Variants in TBC1D19 observed in about 807,000 individuals in gnomAD.
The protein encoded by TBC1D19 is TBC1 domain family, member 19.
Under a neutral mutation model 89.0 loss-of-function variants are expected in TBC1D19, and 60 were observed. That is an observed-to-expected ratio of 0.67 (90% CI 0.55 to 0.84). TBC1D19 has a LOEUF of 0.84. TBC1D19 is among the 40% of genes least tolerant of loss of function. The pLI is 0.00. For synonymous variants in TBC1D19, 189 were observed against 199.7 expected, an observed-to-expected ratio of 0.95 and a Z score of 0.45; for missense variants, 500 against 610.8, an observed-to-expected ratio of 0.82 and a Z score of 1.91.
At chr4:26,839,235 G>A in the TBC1D19 span, among the ~76,000 whole-genome samples, 1,231 of 151,794 alleles carry the variant, frequency 8.1e-3, 13 homozygotes, top group African/African-American at 0.027. Flanking sequence ...AAACGATGTC[G>A]TCATAGGATA....
the TBC1D19 span, among the ~76,000 whole-genome samples, chr4:26,838,343 T>C: frequency 1.2e-4 from 18 of 152,250 alleles, no homozygotes; most frequent in Admixed American, 1.0e-3. Context: ...AAGTATTTAT[T>C]AGTGTCAAAG....
chr4:26,787,478 A>G, the TBC1D19 span, among the ~76,000 whole-genome samples: 1 of 152,130 alleles, frequency 6.6e-6, no homozygotes, highest in African/African-American at 2.4e-5. Flanking sequence ...AGGCCTGAAG[A>G]AAGGACCGGA....
intron 13 of TBC1D19, among the ~76,000 whole-genome samples, chr4:26,701,200 A>G (rs1190134226): frequency 6.6e-6 from 1 of 152,146 alleles, no homozygotes; most frequent in East Asian, 1.9e-4. Flanking sequence ...TGGACTTAAC[A>G]GACAAAAACT....
At chr4:26,696,417 T>C (rs911817869) in intron 13 of TBC1D19, among the ~76,000 whole-genome samples, 1 of 152,168 alleles carries the variant, frequency 6.6e-6, no homozygotes, top group Non-Finnish European at 1.5e-5. Flanking sequence ...TGGGAGACTT[T>C]AACACCCCAC....
At chr4:26,647,082 A>G (rs979485562) in intron 7 of TBC1D19, among the ~76,000 whole-genome samples, 6 of 152,222 alleles carry the variant, frequency 3.9e-5, no homozygotes, top group Non-Finnish European at 7.3e-5. Flanking sequence ...CTAAGACAAC[A>G]ACACTGGAAA....
the TBC1D19 span, among the ~76,000 whole-genome samples, chr4:26,810,784 C>T: frequency 3.3e-5 from 5 of 152,296 alleles, no homozygotes; most frequent in East Asian, 7.7e-4. Flanking sequence ...CCTATTTTCT[C>T]CCACTAGACA....
intron 1 of TBC1D19, among the ~76,000 whole-genome samples, chr4:26,602,435 CTTTTTTTTTTTT>C (rs34004440): frequency 1.4e-5 from 1 of 73,042 alleles, no homozygotes; most frequent in Non-Finnish European, 2.7e-5. Context: ...CTATTGTATT[CTTTTTTTTTTTT>C]TTTTTTTTTT....
At chr4:26,716,185 G>C (rs971689068) in intron 13 of TBC1D19, among the ~76,000 whole-genome samples, 4 of 152,040 alleles carry the variant, frequency 2.6e-5, no homozygotes, top group Non-Finnish European at 2.9e-5. Context: ...TGTTTTGTTT[G>C]TTTCCTTTTA....
At chr4:26,751,311 ACT>A (rs1361296285) in intron 19 of TBC1D19, among the ~76,000 whole-genome samples, 1 of 152,048 alleles carries the variant, frequency 6.6e-6, no homozygotes, top group African/African-American at 2.4e-5. Context: ...ACTGTGTAAA[ACT>A]CTTTCCTGCT....
At chr4:26,843,418 A>G in the TBC1D19 span, among the ~76,000 whole-genome samples, 1 of 152,070 alleles carries the variant, frequency 6.6e-6, no homozygotes, top group Non-Finnish European at 1.5e-5. Flanking sequence ...AGAGGTTGGG[A>G]TTCAACATCT....
At chr4:26,616,308 C>T (rs906209444) in intron 3 of TBC1D19, among the ~76,000 whole-genome samples, 5 of 152,104 alleles carry the variant, frequency 3.3e-5, no homozygotes, top group Non-Finnish European at 7.4e-5. Flanking sequence ...GTTTATTCTT[C>T]TCAAATTTAA....
chr4:26,829,271 G>A, the TBC1D19 span, among the ~76,000 whole-genome samples: 4 of 152,238 alleles, frequency 2.6e-5, no homozygotes, highest in Non-Finnish European at 5.9e-5. Flanking sequence ...TCCCTCCTGA[G>A]TCTCTGTTCT....
the TBC1D19 span, among the ~76,000 whole-genome samples, chr4:26,786,801 GTGGAAGGA>G: frequency 7.0e-6 from 1 of 142,574 alleles, no homozygotes; most frequent in South Asian, 2.4e-4. Context: ...GGATGGGTGG[GTGGAAGGA>G]TGGAAGGATG....
the TBC1D19 span, among the ~76,000 whole-genome samples, chr4:26,809,448 G>A: frequency 6.6e-6 from 1 of 152,076 alleles, no homozygotes. Context: ...GAAAGAGGTT[G>A]TTGGGAAACC....
chr4:26,726,828 T>A (rs111973085), intron 15 of TBC1D19, among the ~76,000 whole-genome samples: 2 of 125,936 alleles, frequency 1.6e-5, no homozygotes, highest in Non-Finnish European at 3.5e-5. Flanking sequence ...ATGAAGAGAA[T>A]ATTTAATAAG....
intron 13 of TBC1D19, among the ~76,000 whole-genome samples, chr4:26,704,181 T>C (rs1715553811): frequency 6.6e-6 from 1 of 152,162 alleles, no homozygotes; most frequent in Non-Finnish European, 1.5e-5. Flanking sequence ...TTTTTAAGTG[T>C]TGTAAGTTTT....
chr4:26,630,457 G>A (rs1435248354), intron 4 of TBC1D19, among the ~76,000 whole-genome samples: 1 of 151,874 alleles, frequency 6.6e-6, no homozygotes, highest in Admixed American at 6.6e-5. Flanking sequence ...GGTGCTAAAT[G>A]TACATTGAAA....
At chr4:26,704,152 G>A (rs1161450534) in intron 13 of TBC1D19, among the ~76,000 whole-genome samples, 1 of 152,000 alleles carries the variant, frequency 6.6e-6, no homozygotes, top group South Asian at 2.1e-4. Context: ...TATTTTGCAT[G>A]AAATTCTTAA....
the TBC1D19 span, among the ~76,000 whole-genome samples, chr4:26,762,520 CT>C: frequency 1.4e-4 from 21 of 152,104 alleles, no homozygotes; most frequent in African/African-American, 4.6e-4. Context: ...ACAGTACCCC[CT>C]ATGAAAATAG....
Sources: gnomAD v4.1 joint callset for allele counts (sites outside exome capture counted in the v4.1 genomes callset) on GRCh38, gnomAD v4.1.1 for gene constraint, MANE v1.5 for transcripts, NCBI Gene and HGNC (gene_info 2026-07-23, HGNC 2026-07-21) for gene names.